ABCB5: variants seen among roughly 807,000 people sequenced by gnomAD.
The protein encoded by ABCB5 is ATP binding cassette subfamily B member 5.
A neutral mutation model predicts 144.2 loss-of-function variants in ABCB5; 155 were observed. The ratio of observed to expected loss-of-function variants is 1.08; its 90% CI spans 0.94 to 1.23. ABCB5 has a LOEUF of 1.23. ABCB5 is among the 50% of genes most tolerant of loss of function. The pLI is 0.00. For synonymous variants in ABCB5, 610 were observed against 528.6 expected, an observed-to-expected ratio of 1.15 and a Z score of -2.11; for missense variants, 1,830 against 1,520.8, an observed-to-expected ratio of 1.20 and a Z score of -3.38.
At chr7:20,743,107 G>T (rs761842373) in intron 25 of ABCB5, 33 bp downstream of exon 25, 54 of 1,604,712 alleles carry the variant, frequency 3.4e-5, no homozygotes, top group East Asian at 2.2e-5. Context: ...CTAATCTGGG[G>T]GTTAGCAGTC....
At chr7:20,716,426 A>G (rs1781676679) in intron 20 of ABCB5, among the ~76,000 whole-genome samples, 1 of 152,336 alleles carries the variant, frequency 6.6e-6, no homozygotes, top group Non-Finnish European at 1.5e-5. Flanking sequence ...ACATCACAAT[A>G]TATATAAATT....
At chr7:20,745,050 T>TA (rs2128055896) in intron 25 of ABCB5, among the ~76,000 whole-genome samples, 182 bp from the exon 26 acceptor site, 1 of 152,340 alleles carries the variant, frequency 6.6e-6, no homozygotes, top group Non-Finnish European at 1.5e-5. Context: ...AGTAGTGAGT[T>TA]ACACGCTGTT....
chr7:20,729,091 C>G (rs1039643049), intron 23 of ABCB5, among the ~76,000 whole-genome samples: 1 of 151,954 alleles, frequency 6.6e-6, no homozygotes, highest in Non-Finnish European at 1.5e-5. Context: ...TTATGGGGTA[C>G]AATGGGATGT....
chr7:20,619,966 C>T (rs538960048), intron 1 of ABCB5, among the ~76,000 whole-genome samples: 12 of 152,166 alleles, frequency 7.9e-5, no homozygotes, highest in South Asian at 4.2e-4. Context: ...ACTTTGTTAA[C>T]GATCAGATGG....
intron 12 of ABCB5, 132 bp from the exon 13 acceptor site, chr7:20,651,288 T>A (rs1476572272): frequency 4.9e-6 from 4 of 811,338 alleles, no homozygotes; most frequent in Admixed American, 2.8e-5. Context: ...TAGAAATATT[T>A]TATCAAAATA....
chr7:20,708,738 T>G (rs986206982), intron 20 of ABCB5, among the ~76,000 whole-genome samples: 1 of 152,096 alleles, frequency 6.6e-6, no homozygotes, highest in Non-Finnish European at 1.5e-5. Flanking sequence ...TGCTGACAAA[T>G]AATAATAATA....
Position 20,646,026 on chromosome 7 carries a change from C to G in ABCB5, c.869C>G (p.Ser290Cys). 1 of 1,613,808 alleles carries G rather than the reference C, an allele frequency of 6.2e-7. No homozygotes were observed. The highest frequency in any genetic ancestry group is 8.5e-7 in the Non-Finnish European group (1 of 1,179,812). Reference sequence around the variant, plus strand: ...AAAAGGACTATAGCTTCAAAAGTGTCTCTTGGTGCTGTGTACTTCTTTATG... The same window carrying G: ...AAAAGGACTATAGCTTCAAAAGTGTGTCTTGGTGCTGTGTACTTCTTTATG... ...GIKRTIASKV[S>C]LGAVYFFMNG... The change falls in exon 9 of 28, where the codon TCT (serine) becomes TGT (cysteine). Residue 290 changes from serine to cysteine, a missense_variant. By Grantham distance (112) the Ser-to-Cys change is moderately radical (BLOSUM62 -1). Coordinates refer to ENST00000404938, the MANE Select transcript of ABCB5 (RefSeq NM_001163941.2).
rs961755148 is a variant in ABCB5, at chr7:20,709,999, C to A, written c.2421+5192C>A. On this transcript the variant is annotated intron_variant, in intron 20 of 27. Transcript: ENST00000404938. Reference sequence around the variant, plus strand: ...CTGAAGGAAGAGAATCGCTTGAACCCGGGAGGTGGAGGCCAAGACCATGCC... The same window carrying A: ...CTGAAGGAAGAGAATCGCTTGAACCAGGGAGGTGGAGGCCAAGACCATGCC... Among the ~76,000 whole-genome samples the A allele has an allele frequency of 8.0e-4, 118 of 147,704 alleles. 3 individuals are homozygous for A. Among genetic ancestry groups the A allele is most frequent in the Non-Finnish European group, 4.2e-4 (28 of 66,710 alleles).
At chr7:20,624,991 G>A (rs1422932582) in intron 2 of ABCB5, among the ~76,000 whole-genome samples, 1 of 152,178 alleles carries the variant, frequency 6.6e-6, no homozygotes, top group African/African-American at 2.4e-5. Flanking sequence ...TTCACAAAAC[G>A]ACCCAAGCCC....
chr7:20,628,444 G>A (rs1346787141), intron 3 of ABCB5, among the ~76,000 whole-genome samples: 1 of 152,140 alleles, frequency 6.6e-6, no homozygotes, highest in East Asian at 1.9e-4. Flanking sequence ...GTCTGCTATT[G>A]TGAATAGTCA....
At chr7:20,696,848 AT>A (rs1786434483) in intron 16 of ABCB5, among the ~76,000 whole-genome samples, 1 of 151,950 alleles carries the variant, frequency 6.6e-6, no homozygotes, top group Admixed American at 6.6e-5. Context: ...AAATGATACC[AT>A]TTTAAATCTT....
At chr7:20,666,581 T>C (rs1276010681) in intron 14 of ABCB5, among the ~76,000 whole-genome samples, 1 of 152,170 alleles carries the variant, frequency 6.6e-6, no homozygotes, top group Non-Finnish European at 1.5e-5. Flanking sequence ...TGGTGATGTA[T>C]GGCTGTGCAT....
Position 20,645,947 on chromosome 7 carries a change from T to C in ABCB5, c.804-14T>C. 1.2e-6 allele frequency: 2 copies of C among 1,612,702 alleles called. No homozygotes were observed. The highest frequency in any genetic ancestry group is 1.7e-6 in the Non-Finnish European group (2 of 1,179,406). On this transcript the variant is annotated splice_polypyrimidine_tract_variant and intron_variant, in intron 8 of 27. Transcript: ENST00000404938. ...TTCCCCAGTGGCTACTAAGTTGTGT[T>C]CTGTTTTTGTAAGGTATACACAGAA...
At chr7:20,708,141 A>C (rs2128045369) in intron 20 of ABCB5, among the ~76,000 whole-genome samples, 1 of 152,272 alleles carries the variant, frequency 6.6e-6, no homozygotes, top group African/African-American at 2.4e-5. Context: ...TGACATGGGA[A>C]GTGTGTAAAA....
At chr7:20,717,528 C>T (rs192046764) in intron 20 of ABCB5, among the ~76,000 whole-genome samples, 1 of 151,504 alleles carries the variant, frequency 6.6e-6, no homozygotes, top group Admixed American at 6.6e-5. Context: ...CTGCAACCTC[C>T]GCCTCCCGGG....
intron 5 of ABCB5, among the ~76,000 whole-genome samples, chr7:20,634,023 A>C (rs1583381247): frequency 1.3e-5 from 2 of 151,722 alleles, no homozygotes; most frequent in Admixed American, 1.3e-4. Context: ...ACCCCCTTTT[A>C]CCCTTTCAGC....
At position 20,713,564 on chromosome 7, in the gene ABCB5, C is replaced by T. The variant is rs539095063; in HGVS notation, c.2421+8757C>T. 2.5e-4 allele frequency among the ~76,000 whole-genome samples: 37 copies of T among 149,928 alleles called. 2 individuals are homozygous for T. The highest frequency in any genetic ancestry group is 8.9e-4 in the African/African-American group (36 of 40,642). On this transcript the variant is annotated intron_variant, in intron 20 of 27. Transcript: ENST00000404938. Reference sequence around the variant, plus strand: ...TGCCAATTTCTGACTGGATGCTACACATTGTGAATTTAAAATTTTTGGTGC... The same window carrying T: ...TGCCAATTTCTGACTGGATGCTACATATTGTGAATTTAAAATTTTTGGTGC...
intron 14 of ABCB5, chr7:20,658,989 A>G (rs1240029863): frequency 3.3e-6 from 5 of 1,516,422 alleles, no homozygotes; most frequent in Non-Finnish European, 4.6e-6. Flanking sequence ...TATCATCACT[A>G]TTATAACCAT....
chr7:20,704,842 T>TA, intron 20 of ABCB5, 35 bp downstream of exon 20: 5 of 1,538,554 alleles, frequency 3.2e-6, no homozygotes, highest in Non-Finnish European at 4.5e-6. Flanking sequence ...ATGATGTATG[T>TA]ATGTGGTGTG....
Sources: allele counts gnomAD v4.1 joint callset (sites outside exome capture counted in the v4.1 genomes callset), GRCh38; gene constraint gnomAD v4.1.1; transcripts MANE v1.5; gene names NCBI Gene and HGNC (gene_info 2026-07-23, HGNC 2026-07-21).